The following RXFP1 variants were observed in gnomAD, a reference collection of about 807,000 sequenced individuals.
RXFP1 encodes the protein relaxin receptor 1.
A neutral mutation model predicts 89.8 loss-of-function variants in RXFP1; 73 were observed. That is an observed-to-expected ratio of 0.81 (90% CI 0.67 to 0.99). The LOEUF (loss-of-function observed/expected upper bound fraction) is 0.99. Ranked by LOEUF, RXFP1 falls within the 50% of genes least tolerant of loss-of-function variation. The probability of loss-of-function intolerance (pLI) is 0.00; values close to 1 mark genes in which losing one functional copy is unlikely to be tolerated. For missense variants in RXFP1, 793 were observed against 895.5 expected, an observed-to-expected ratio of 0.89 and a Z score of 1.46; for synonymous variants, 277 against 305.5, an observed-to-expected ratio of 0.91 and a Z score of 0.97.
intron 1 of RXFP1, among the ~76,000 whole-genome samples, chr4:158,554,473 T>C (rs769081661): frequency 1.8e-4 from 27 of 152,204 alleles, no homozygotes; most frequent in Non-Finnish European, 3.8e-4. Flanking sequence ...TTTTATCTTA[T>C]ACAAATAAAA....
chr4:158,611,367 G>A (rs1176855576), intron 6 of RXFP1, among the ~76,000 whole-genome samples: 1 of 152,200 alleles, frequency 6.6e-6, no homozygotes, highest in East Asian at 1.9e-4. Context: ...TCACTTTGCA[G>A]AGGAGTGGGA....
At chr4:158,568,005 A>G (rs527634036) in intron 1 of RXFP1, among the ~76,000 whole-genome samples, 1 of 152,346 alleles carries the variant, frequency 6.6e-6, no homozygotes, top group Admixed American at 6.5e-5. Context: ...CCTCTAAGGT[A>G]TAAAGCTTCA....
At chr4:158,638,693 T>C (rs1400110918) in intron 13 of RXFP1, among the ~76,000 whole-genome samples, 1 of 151,758 alleles carries the variant, frequency 6.6e-6, no homozygotes, top group Non-Finnish European at 1.5e-5. Context: ...CATGCACCTG[T>C]GGTCCTAGCT....
At chr4:158,614,654 C>T (rs1764205537) in intron 8 of RXFP1, among the ~76,000 whole-genome samples, 1 of 152,184 alleles carries the variant, frequency 6.6e-6, no homozygotes, top group Admixed American at 6.5e-5. Context: ...AATGATGTGG[C>T]TGGTTTAATC....
At chr4:158,617,004 AT>A (rs1764715853) in intron 8 of RXFP1, 126 bp from the exon 9 acceptor site, 6 of 609,504 alleles carry the variant, frequency 9.8e-6, no homozygotes, top group South Asian at 5.4e-5. Context: ...AAAAAAAAAA[AT>A]TAGAAGGAAA....
intron 1 of RXFP1, among the ~76,000 whole-genome samples, chr4:158,567,638 TCTAG>T (rs536795534): frequency 1.6e-3 from 239 of 152,238 alleles, no homozygotes; most frequent in African/African-American, 5.5e-3. Flanking sequence ...GCACTCTGTG[TCTAG>T]CTCAGGGTTT....
At position 158,542,098 on chromosome 4, in the gene RXFP1, TATATA is replaced by T. The variant is rs1261341249; in HGVS notation, c.49+20074_49+20078del. On this transcript the variant is annotated intron_variant, in intron 1 of 17. Transcript: ENST00000307765. ...CCATGGCTATATATATATATATATA[TATATA>T]TATATATTTTTTTTTTAGTAGAGAC... is the stretch of plus-strand genomic sequence containing the variant. 1.4e-3 allele frequency among the ~76,000 whole-genome samples: 69 copies of T among 49,728 alleles called. 3 individuals carry two copies. Among genetic ancestry groups the T allele is most frequent in the Middle Eastern group, 8.3e-3 (1 of 120 alleles). The allele number at this position is 49,728 out of a possible 152,430, so 32.6% of individuals were successfully genotyped here.
chr4:158,544,491 C>A, intron 1 of RXFP1: 1 of 367,472 alleles, frequency 2.7e-6, no homozygotes, highest in Non-Finnish European at 3.8e-6. Flanking sequence ...GGTACATGTG[C>A]ACAATGTGCA....
rs761427429 is a variant in RXFP1, at chr4:158,593,502, A to G, written c.286+3A>G. ...TGAGGCAGAAACACCTGAATGTTGT[A>G]AGTAATCAGAGCAGTTATTTTCTTT... On this transcript the variant is annotated splice_donor_region_variant and intron_variant, in intron 3 of 17. Coordinates refer to ENST00000307765, the MANE Select transcript of RXFP1 (RefSeq NM_021634.4). The G allele has an allele frequency of 1.6e-5, 24 of 1,542,388 alleles. No individual in the cohort carries two copies. The Admixed American group carries it at 3.6e-4, about 23-fold the overall frequency.
chr4:158,584,686 C>T (rs1485056724), intron 2 of RXFP1, among the ~76,000 whole-genome samples: 1 of 152,144 alleles, frequency 6.6e-6, no homozygotes, highest in Admixed American at 6.5e-5. Flanking sequence ...AGGAATGTTT[C>T]TGAGGACTAC....
At chr4:158,633,319 G>T in intron 11 of RXFP1, 86 bp from the exon 12 acceptor site, 1 of 873,660 alleles carries the variant, frequency 1.1e-6, no homozygotes, top group South Asian at 1.5e-5. Context: ...TTGTTGAAAA[G>T]TTGTATAGTG....
intron 9 of RXFP1, among the ~76,000 whole-genome samples, chr4:158,625,952 A>G (rs1268486727): frequency 6.6e-6 from 1 of 152,122 alleles, no homozygotes; most frequent in Admixed American, 6.6e-5. Context: ...CACTTATGAA[A>G]GAAGAGGAAC....
chr4:158,619,887 T>C (rs916219364), intron 9 of RXFP1, among the ~76,000 whole-genome samples: 2 of 151,718 alleles, frequency 1.3e-5, no homozygotes, highest in African/African-American at 4.8e-5. Flanking sequence ...TGCCCATTTG[T>C]ATCACGGCAG....
intron 1 of RXFP1, among the ~76,000 whole-genome samples, chr4:158,558,645 C>T (rs1339468385): frequency 2.0e-5 from 3 of 151,964 alleles, no homozygotes; most frequent in Non-Finnish European, 4.4e-5. Flanking sequence ...ATATCAAAAC[C>T]TTAGGGAAGT....
chr4:158,542,109 A>ATATATATATATATATATT, intron 1 of RXFP1, among the ~76,000 whole-genome samples: 2 of 35,242 alleles, frequency 5.7e-5, no homozygotes, highest in African/African-American at 9.3e-5. Context: ...ATATATATAT[A>ATATATATATATATATATT]TTTTTTTTTT....
At chr4:158,560,310 G>A (rs1449667845) in intron 1 of RXFP1, among the ~76,000 whole-genome samples, 2 of 152,066 alleles carry the variant, frequency 1.3e-5, no homozygotes, top group Admixed American at 6.5e-5. Context: ...AGCCCAACAG[G>A]GACCACTCAT....
intron 8 of RXFP1, among the ~76,000 whole-genome samples, chr4:158,615,586 C>G (rs1299556717): frequency 6.6e-6 from 1 of 151,254 alleles, no homozygotes; most frequent in Non-Finnish European, 1.5e-5. Context: ...TGTGACACCA[C>G]AAAACTACTG....
At chr4:158,525,056 TGAA>T (rs1357171895) in intron 1 of RXFP1, among the ~76,000 whole-genome samples, 5 of 152,136 alleles carry the variant, frequency 3.3e-5, no homozygotes, top group Admixed American at 3.3e-4. Flanking sequence ...TCTGTAACTA[TGAA>T]GAAGAGAAAA....
chr4:158,574,237 A>G (rs1282586011), intron 2 of RXFP1, among the ~76,000 whole-genome samples: 1 of 152,252 alleles, frequency 6.6e-6, no homozygotes, highest in East Asian at 1.9e-4. Flanking sequence ...TAACAATGCT[A>G]TTATGCAAAG....
Sources: gnomAD v4.1 joint callset for allele counts (sites outside exome capture counted in the v4.1 genomes callset) on GRCh38, gnomAD v4.1.1 for gene constraint, MANE v1.5 for transcripts, NCBI Gene and HGNC (gene_info 2026-07-23, HGNC 2026-07-21) for gene names.